Variants in LARP6 observed in about 807,000 individuals in gnomAD.
The protein encoded by LARP6 is La ribonucleoprotein 6, translational regulator.
LARP6 carries 18 observed loss-of-function variants against 32.8 expected under a neutral mutation model. That is an observed-to-expected ratio of 0.55 (90% CI 0.38 to 0.81). The LOEUF (loss-of-function observed/expected upper bound fraction) is 0.81. LARP6 is among the 40% of genes least tolerant of loss of function. The pLI, the probability that LARP6 is intolerant of heterozygous loss-of-function variation, is 0.00. For synonymous variants in LARP6, 289 were observed against 267.2 expected, an observed-to-expected ratio of 1.08 and a Z score of -0.80; for missense variants, 598 against 663.1, an observed-to-expected ratio of 0.90 and a Z score of 1.08.
At chr15:70,834,362 G>A (rs546148907) in intron 2 of LARP6, among the ~76,000 whole-genome samples, 5 of 152,244 alleles carry the variant, frequency 3.3e-5, no homozygotes, top group South Asian at 2.1e-4. Flanking sequence ...GCAAAGGGTC[G>A]GATTTCAGGT....
At chr15:70,846,283 C>A (rs2032343473) in intron 1 of LARP6, among the ~76,000 whole-genome samples, 2 of 152,134 alleles carry the variant, frequency 1.3e-5, no homozygotes, top group Admixed American at 6.6e-5. Context: ...ATAATAAAAG[C>A]TTTTCTATTT....
At chr15:70,852,619 G>C (rs1175595623) in intron 1 of LARP6, among the ~76,000 whole-genome samples, 1 of 152,174 alleles carries the variant, frequency 6.6e-6, no homozygotes, top group African/African-American at 2.4e-5. Context: ...CAGTGACTAA[G>C]GGTTCATCAT....
At position 70,836,511 on chromosome 15, in the gene LARP6, A is replaced by T; in HGVS notation, c.201-6T>A. On this transcript the variant is annotated splice_polypyrimidine_tract_variant and splice_region_variant and intron_variant, in intron 1 of 2. Coordinates refer to ENST00000299213, the MANE Select transcript of LARP6 (RefSeq NM_018357.4). ...CTCCACTTGCAGTGGTGCCACTGAG[A>T]CCAGAAGGAGACACCGGGTGTTAGG... 6.2e-7 allele frequency: 1 copy of T among 1,613,360 alleles called. No individual in the cohort carries two copies. The highest frequency in any genetic ancestry group is 1.1e-5 in the South Asian group (1 of 91,068).
intron 2 of LARP6, 56 bp downstream of exon 2, chr15:70,836,239 C>A (rs2032144306): frequency 5.3e-6 from 8 of 1,504,034 alleles, no homozygotes; most frequent in Non-Finnish European, 7.4e-6. Context: ...TGTTTAAAAC[C>A]ACAACCCAAA....
intron 1 of LARP6, chr15:70,851,959 T>C: frequency 1.9e-6 from 1 of 531,712 alleles, no homozygotes; most frequent in Non-Finnish European, 3.3e-6. Flanking sequence ...CTCAGGGAAC[T>C]AGCTGGAATC....
chr15:70,837,210 AAACAAC>A (rs71438503), intron 1 of LARP6, among the ~76,000 whole-genome samples: 1 of 150,882 alleles, frequency 6.6e-6, no homozygotes, highest in African/African-American at 2.4e-5. Flanking sequence ...TGTTGCTACA[AAACAAC>A]AACAACAACA....
intron 2 of LARP6, 75 bp downstream of exon 2, chr15:70,836,220 T>TAAA: frequency 7.8e-7 from 1 of 1,290,070 alleles, no homozygotes; most frequent in Non-Finnish European, 1.1e-6. Flanking sequence ...TCAAGGGAGT[T>TAAA]AAAAAAAATG....
At chr15:70,839,468 A>G (rs1194212804) in intron 1 of LARP6, among the ~76,000 whole-genome samples, 1 of 151,996 alleles carries the variant, frequency 6.6e-6, no homozygotes, top group Non-Finnish European at 1.5e-5. Context: ...TAGTGAAGAA[A>G]ATAATAGGGA....
intron 2 of LARP6, among the ~76,000 whole-genome samples, chr15:70,834,022 C>T (rs1245579291): frequency 3.9e-5 from 6 of 152,166 alleles, no homozygotes; most frequent in African/African-American, 1.4e-4. Context: ...ATGAGTCATC[C>T]CAAACAAATA....
chr15:70,851,720 C>A (rs2032461404), intron 1 of LARP6: 2 of 1,614,080 alleles, frequency 1.2e-6, no homozygotes, highest in Non-Finnish European at 1.7e-6. Context: ...AGCTCCTATT[C>A]CTGTGAGGGA....
intron 1 of LARP6, 126 bp from the exon 2 acceptor site, chr15:70,836,631 G>T: frequency 2.8e-6 from 2 of 722,116 alleles, no homozygotes; most frequent in Non-Finnish European, 4.7e-6. Flanking sequence ...GGGGGTCACT[G>T]CAGATGCAAT....
chr15:70,847,653 C>T, intron 1 of LARP6, among the ~76,000 whole-genome samples: 1 of 151,880 alleles, frequency 6.6e-6, no homozygotes, highest in Non-Finnish European at 1.5e-5. Context: ...ACAGGTGTGT[C>T]ATATTTGTAA....
chr15:70,848,731 CA>C (rs879504436), intron 1 of LARP6, among the ~76,000 whole-genome samples: 35 of 133,040 alleles, frequency 2.6e-4, no homozygotes, highest in Admixed American at 2.3e-4. Context: ...GACTCTGTCT[CA>C]AAAAAAAAAA....
chr15:70,840,491 G>C (rs2032234209), intron 1 of LARP6, among the ~76,000 whole-genome samples: 1 of 152,194 alleles, frequency 6.6e-6, no homozygotes, highest in South Asian at 2.1e-4. Context: ...AGTGAGCCGG[G>C]ATCGCGCCAC....
At chr15:70,838,231 G>A (rs967148684) in intron 1 of LARP6, among the ~76,000 whole-genome samples, 1 of 151,996 alleles carries the variant, frequency 6.6e-6, no homozygotes, top group Non-Finnish European at 1.5e-5. Context: ...AGTAAATTTA[G>A]GCAAGGAACT....
At chr15:70,846,161 A>G (rs1376089136) in intron 1 of LARP6, among the ~76,000 whole-genome samples, 3 of 152,026 alleles carry the variant, frequency 2.0e-5, no homozygotes, top group East Asian at 1.9e-4. Context: ...GCCACCTCCC[A>G]TGTTATATTT....
In LARP6 at chr15:70,830,540, T is replaced by C. The variant is rs1420948915; in HGVS notation, c.*1512A>G. 1 of 152,222 alleles carries C rather than the reference T, an allele frequency of 6.6e-6. No individual in the cohort carries two copies. The highest frequency in any genetic ancestry group is 1.5e-5 in the Non-Finnish European group (1 of 68,038). 9.4% of individuals were successfully genotyped at this position (152,222 alleles called of 1,614,324 possible). ...AGTGTGGGCTCCAAAGCCAGACCAC[T>C]AGTTTCAAGCCCAACTCTACCAATT... On this transcript the variant is annotated 3_prime_UTR_variant, in exon 3 of 3. Transcript: ENST00000299213.
intron 1 of LARP6, among the ~76,000 whole-genome samples, chr15:70,848,166 C>T (rs929448348): frequency 6.6e-6 from 1 of 152,192 alleles, no homozygotes; most frequent in Non-Finnish European, 1.5e-5. Context: ...AAAGGCATCA[C>T]CCTTTTACAA....
At position 70,832,919 on chromosome 15, in the gene LARP6, G is replaced by C. The variant is rs766327224; in HGVS notation, c.609C>G (p.Pro203=). Residue 203 remains proline (P), a synonymous_variant, in exon 3 of 3, where the codon CCC becomes CCG. Coordinates refer to ENST00000299213, the MANE Select transcript of LARP6 (RefSeq NM_018357.4). ...TCTCTTGCACCCTTCCATTCTTCTG[G>C]GGGGTGGCCAGAGCCCACAGCTTAG... is the stretch of plus-strand genomic sequence containing the variant. ...LSPKLWALAT[P]QKNGRVQEKV... 6.2e-7 allele frequency: 1 copy of C among 1,602,360 alleles called. No individual in the cohort carries two copies. Among genetic ancestry groups the C allele is most frequent in the African/African-American group, 1.3e-5 (1 of 74,564 alleles).
Sources: gnomAD v4.1 joint callset for allele counts (sites outside exome capture counted in the v4.1 genomes callset) on GRCh38, gnomAD v4.1.1 for gene constraint, MANE v1.5 for transcripts, NCBI Gene and HGNC (gene_info 2026-07-23, HGNC 2026-07-21) for gene names.